Variants in ZBTB16 observed in about 807,000 individuals in gnomAD.
The protein encoded by ZBTB16 is zinc finger and BTB domain-containing protein 16.
ZBTB16 carries 8 observed loss-of-function variants against 56.8 expected under a neutral mutation model. The ratio of observed to expected loss-of-function variants is 0.14; its 90% CI spans 0.08 to 0.25. The LOEUF (loss-of-function observed/expected upper bound fraction) is 0.25, where lower values mean the gene tolerates loss of function less well. Ranked by LOEUF, ZBTB16 falls within the 10% of genes least tolerant of loss-of-function variation. The probability of loss-of-function intolerance (pLI) is 1.00; values close to 1 mark genes in which losing one functional copy is unlikely to be tolerated. For synonymous variants in ZBTB16, 363 were observed against 368.5 expected (o/e 0.98, Z 0.17); for missense variants, 625 against 903.0 (o/e 0.69, Z 3.95).
intron 2 of ZBTB16, among the ~76,000 whole-genome samples, chr11:114,127,033 T>C (rs1941527224): frequency 6.6e-6 from 1 of 152,202 alleles, no homozygotes; most frequent in African/African-American, 2.4e-5. Context: ...GAATGCTGGC[T>C]TCTGGACCCA....
intron 3 of ZBTB16, among the ~76,000 whole-genome samples, chr11:114,164,342 C>G (rs774370511): frequency 6.6e-6 from 1 of 152,214 alleles, no homozygotes; most frequent in East Asian, 1.9e-4. Context: ...CATGCCACCA[C>G]ATGATTTTGC....
intron 4 of ZBTB16, among the ~76,000 whole-genome samples, chr11:114,217,337 G>A (rs1376042007): frequency 3.3e-5 from 5 of 152,152 alleles, no homozygotes; most frequent in Non-Finnish European, 7.4e-5. Flanking sequence ...GAGATCAGAG[G>A]GAGGTAAGCT....
At chr11:114,233,347 G>A (rs1944498556) in intron 4 of ZBTB16, among the ~76,000 whole-genome samples, 3 of 152,000 alleles carry the variant, frequency 2.0e-5, no homozygotes, top group African/African-American at 7.2e-5. Flanking sequence ...GGATTCATTA[G>A]TTCCATATCT....
At chr11:114,218,856 A>G (rs534930538) in intron 4 of ZBTB16, among the ~76,000 whole-genome samples, 1 of 152,342 alleles carries the variant, frequency 6.6e-6, no homozygotes, top group African/African-American at 2.4e-5. Flanking sequence ...TTTAAAATTA[A>G]AATGTTTCGG....
At chr11:114,209,540 G>T in intron 4 of ZBTB16, 1 of 985,382 alleles carries the variant, frequency 1.0e-6, no homozygotes, top group Non-Finnish European at 1.2e-6. Flanking sequence ...CTCTGACCCT[G>T]AGGCTCTGGG....
chr11:114,157,772 C>A (rs564181000), intron 3 of ZBTB16, among the ~76,000 whole-genome samples: 2 of 152,324 alleles, frequency 1.3e-5, no homozygotes, highest in African/African-American at 4.8e-5. Context: ...TCCCATTCTT[C>A]CCTCTTCCAG....
chr11:114,125,609 A>G (rs1425920038), intron 2 of ZBTB16, among the ~76,000 whole-genome samples: 1 of 151,450 alleles, frequency 6.6e-6, no homozygotes, highest in Non-Finnish European at 1.5e-5. Context: ...TTGCCTTCAC[A>G]AGGAGGAGAT....
intron 2 of ZBTB16, among the ~76,000 whole-genome samples, chr11:114,117,816 G>C (rs1941218458): frequency 6.6e-6 from 1 of 152,228 alleles, no homozygotes; most frequent in African/African-American, 2.4e-5. Context: ...AGAATGAGAA[G>C]TATCTTAATT....
chr11:114,062,743 A>G (rs988095592), intron 1 of ZBTB16, among the ~76,000 whole-genome samples: 33 of 152,248 alleles, frequency 2.2e-4, no homozygotes, highest in African/African-American at 8.0e-4. Flanking sequence ...AGTGAGGCAG[A>G]GTTTGGAAAA....
At chr11:114,103,733 T>G (rs1005673047) in intron 2 of ZBTB16, among the ~76,000 whole-genome samples, 12 of 152,120 alleles carry the variant, frequency 7.9e-5, no homozygotes, top group Non-Finnish European at 1.8e-4. Context: ...AGGTAACGTT[T>G]AACCCATCCT....
At chr11:114,217,771 G>A (rs953436311) in intron 4 of ZBTB16, among the ~76,000 whole-genome samples, 10 of 152,174 alleles carry the variant, frequency 6.6e-5, no homozygotes, top group African/African-American at 2.4e-4. Context: ...CCATGGTGGG[G>A]ATGAGAGTTG....
intron 2 of ZBTB16, among the ~76,000 whole-genome samples, chr11:114,083,331 A>G (rs950073397): frequency 7.2e-5 from 11 of 152,130 alleles, no homozygotes; most frequent in Admixed American, 6.5e-4. Flanking sequence ...TTAAACTTCA[A>G]CCTGCAGTAT....
intron 2 of ZBTB16, among the ~76,000 whole-genome samples, chr11:114,068,011 G>GA (rs1226710835): frequency 0.01 from 440 of 43,394 alleles, 2 homozygotes; most frequent in Middle Eastern, 0.028. Context: ...TGCTATGGTG[G>GA]AAAAAAAAAA....
chr11:114,065,708 T>G (rs1298133769), intron 2 of ZBTB16, among the ~76,000 whole-genome samples: 1 of 152,168 alleles, frequency 6.6e-6, no homozygotes, highest in Admixed American at 6.5e-5. Context: ...AGCCACCGTG[T>G]CCAGCTGGTA....
At chr11:114,186,861 C>A in intron 3 of ZBTB16, 91 bp from the exon 4 acceptor site, 1 of 1,275,520 alleles carries the variant, frequency 7.8e-7, no homozygotes, top group Non-Finnish European at 1.1e-6. Context: ...AGTCCCCTTC[C>A]CTAGTGTCTA....
At chr11:114,080,741 T>A (rs747822913) in intron 2 of ZBTB16, among the ~76,000 whole-genome samples, 1 of 152,236 alleles carries the variant, frequency 6.6e-6, no homozygotes, top group Non-Finnish European at 1.5e-5. Context: ...TTCAGATCCA[T>A]ATTCATATCA....
intron 3 of ZBTB16, among the ~76,000 whole-genome samples, chr11:114,180,486 C>T (rs889001854): frequency 6.6e-6 from 1 of 152,128 alleles, no homozygotes; most frequent in Admixed American, 6.6e-5. Context: ...TGGGAGCAGA[C>T]ATGCTGATGA....
At chr11:114,169,706 G>A (rs532292077) in intron 3 of ZBTB16, among the ~76,000 whole-genome samples, 67 of 152,314 alleles carry the variant, frequency 4.4e-4, no homozygotes, top group African/African-American at 1.5e-3. Flanking sequence ...GAGCAAGGCT[G>A]GGTGTGCTCA....
intron 3 of ZBTB16, among the ~76,000 whole-genome samples, chr11:114,170,106 C>T (rs1425305144): frequency 6.6e-6 from 1 of 152,176 alleles, no homozygotes; most frequent in East Asian, 1.9e-4. Flanking sequence ...CAGGGGGCCC[C>T]TCCAAGTTGA....
Sources: gnomAD v4.1 joint callset for allele counts (sites outside exome capture counted in the v4.1 genomes callset) on GRCh38, gnomAD v4.1.1 for gene constraint, MANE v1.5 for transcripts, NCBI Gene and HGNC (gene_info 2026-07-23, HGNC 2026-07-21) for gene names.